Variants in MAGI1 observed in about 807,000 individuals in gnomAD.
MAGI1 encodes membrane associated guanylate kinase, WW and PDZ domain containing 1.
In MAGI1, 58 loss-of-function variants were observed where a neutral mutation model predicts 139.9. The ratio of observed to expected loss-of-function variants is 0.41; its 90% confidence interval spans 0.34 to 0.52. The LOEUF (loss-of-function observed/expected upper bound fraction) is 0.52, where lower values mean the gene tolerates loss of function less well. Among genes scored for constraint, MAGI1 ranks in the 20% least tolerant of loss-of-function variants. MAGI1 has a pLI of 0.12. For synonymous variants in MAGI1, 812 were observed against 737.9 expected (o/e 1.10, Z -1.63); for missense variants, 1,874 against 1,901.6 (o/e 0.99, Z 0.27).
At chr3:65,990,157 T>C (rs2066093368) in intron 1 of MAGI1, among the ~76,000 whole-genome samples, 1 of 151,800 alleles carries the variant, frequency 6.6e-6, no homozygotes, top group African/African-American at 2.4e-5. Context: ...CTGAGTGAGA[T>C]TAACGTGAGG....
chr3:65,601,855 A>G lies in MAGI1; in HGVS notation c.430+20117T>C, dbSNP rs530614651. Among the ~76,000 whole-genome samples the G allele has an allele frequency of 1.3e-3, 194 of 152,322 alleles. 1 individual carries two copies. In the South Asian group the frequency reaches 0.029, roughly 23 times the overall value. ...GAAAAAAAATACTGGTGAAGCATTT[A>G]TCTGATAAGGTCCTTGTATCCAGAA... On this transcript the variant is annotated intron_variant, in intron 2 of 22. Coordinates refer to ENST00000402939, the MANE Select transcript of MAGI1 (RefSeq NM_001033057.2).
chr3:66,028,798 C>T (rs1329848652), intron 1 of MAGI1, among the ~76,000 whole-genome samples: 1 of 152,118 alleles, frequency 6.6e-6, no homozygotes, highest in Non-Finnish European at 1.5e-5. Context: ...AATCCAGTCT[C>T]AGCCTTTCAA....
intron 2 of MAGI1, among the ~76,000 whole-genome samples, chr3:65,604,648 C>A (rs543605976): frequency 6.6e-6 from 1 of 150,830 alleles, no homozygotes; most frequent in Non-Finnish European, 1.5e-5. Context: ...AAAAAGAAAC[C>A]AAAAACACCA....
intron 1 of MAGI1, among the ~76,000 whole-genome samples, chr3:65,919,232 A>C (rs1056129891): frequency 2.0e-5 from 3 of 152,218 alleles, no homozygotes; most frequent in Non-Finnish European, 2.9e-5. Context: ...TATAAATGTA[A>C]AAACAATTTG....
intron 13 of MAGI1, among the ~76,000 whole-genome samples, chr3:65,396,330 T>TA (rs1204041470): frequency 6.6e-6 from 1 of 152,154 alleles, no homozygotes; most frequent in Non-Finnish European, 1.5e-5. Context: ...TGGGCTCAAT[T>TA]AAAAAAATTC....
At chr3:65,737,764 T>C (rs2034900291) in intron 1 of MAGI1, among the ~76,000 whole-genome samples, 1 of 152,186 alleles carries the variant, frequency 6.6e-6, no homozygotes, top group South Asian at 2.1e-4. Flanking sequence ...GTGAGATCAC[T>C]AAATTCTACT....
At chr3:65,665,769 A>T (rs892975583) in intron 1 of MAGI1, among the ~76,000 whole-genome samples, 2 of 152,178 alleles carry the variant, frequency 1.3e-5, no homozygotes, top group Non-Finnish European at 2.9e-5. Context: ...AAGTTCCTAA[A>T]TTTCAACAGC....
intron 9 of MAGI1, among the ~76,000 whole-genome samples, chr3:65,438,478 A>G (rs1230228458): frequency 6.6e-6 from 1 of 152,246 alleles, no homozygotes; most frequent in East Asian, 1.9e-4. Flanking sequence ...ACCACTTAAT[A>G]TACCCATGTG....
At chr3:65,431,985 C>T (rs1010800730) in intron 10 of MAGI1, among the ~76,000 whole-genome samples, 9 of 152,182 alleles carry the variant, frequency 5.9e-5, no homozygotes, top group African/African-American at 2.2e-4. Flanking sequence ...AAGAGCAAAA[C>T]TCTGTCTCAA....
chr3:65,696,360 C>A (rs2089186826), intron 1 of MAGI1, among the ~76,000 whole-genome samples: 1 of 152,032 alleles, frequency 6.6e-6, no homozygotes, highest in South Asian at 2.1e-4. Flanking sequence ...TTCATTCACC[C>A]TTTGTAGCCT....
intron 1 of MAGI1, among the ~76,000 whole-genome samples, chr3:65,869,066 G>C (rs1010733015): frequency 6.6e-6 from 1 of 151,858 alleles, no homozygotes; most frequent in Non-Finnish European, 1.5e-5. Flanking sequence ...AGGAGATCGA[G>C]ACCACGGCGA....
intron 1 of MAGI1, among the ~76,000 whole-genome samples, chr3:65,741,044 C>T (rs557518341): frequency 6.6e-6 from 1 of 152,278 alleles, no homozygotes; most frequent in South Asian, 2.1e-4. Context: ...TTTTGGGCTG[C>T]TTCTGAAATG....
At chr3:65,728,978 C>T (rs946574986) in intron 1 of MAGI1, among the ~76,000 whole-genome samples, 4 of 152,070 alleles carry the variant, frequency 2.6e-5, no homozygotes, top group African/African-American at 9.7e-5. Context: ...ATAGGAATGA[C>T]ATGCAGTAAA....
At chr3:65,846,327 T>C (rs1230529401) in intron 1 of MAGI1, among the ~76,000 whole-genome samples, 1 of 152,212 alleles carries the variant, frequency 6.6e-6, no homozygotes. Flanking sequence ...CTCAAGTGAA[T>C]AGCAGCTGGA....
intron 2 of MAGI1, among the ~76,000 whole-genome samples, chr3:65,566,503 A>G (rs1239204336): frequency 2.6e-5 from 4 of 152,098 alleles, no homozygotes; most frequent in African/African-American, 9.7e-5. Flanking sequence ...CAGCAAAAGC[A>G]AAAAGCATAT....
At chr3:65,988,359 G>C (rs1424219070) in intron 1 of MAGI1, among the ~76,000 whole-genome samples, 1 of 152,188 alleles carries the variant, frequency 6.6e-6, no homozygotes, top group Non-Finnish European at 1.5e-5. Context: ...CCCAGTGAAG[G>C]GGGTTATGCA....
intron 1 of MAGI1, among the ~76,000 whole-genome samples, chr3:65,980,230 G>A (rs530138887): frequency 7.9e-5 from 12 of 152,246 alleles, no homozygotes; most frequent in African/African-American, 2.9e-4. Context: ...CCATACTTTT[G>A]GAGATCATTT....
chr3:65,748,881 A>C (rs1166353388), intron 1 of MAGI1, among the ~76,000 whole-genome samples: 1 of 152,206 alleles, frequency 6.6e-6, no homozygotes, highest in African/African-American at 2.4e-5. Context: ...TGACACGGAC[A>C]AAAGGGCAGA....
At chr3:65,725,947 G>T (rs905793424) in intron 1 of MAGI1, among the ~76,000 whole-genome samples, 1 of 152,150 alleles carries the variant, frequency 6.6e-6, no homozygotes, top group Non-Finnish European at 1.5e-5. Flanking sequence ...AGGAAAGAAA[G>T]GGAAAAGAGA....
Sources: gnomAD v4.1 joint callset for allele counts (sites outside exome capture counted in the v4.1 genomes callset) on GRCh38, gnomAD v4.1.1 for gene constraint, MANE v1.5 for transcripts, NCBI Gene and HGNC (gene_info 2026-07-23, HGNC 2026-07-21) for gene names.